The following CCDC91 variants were observed in gnomAD, a reference collection of about 807,000 sequenced individuals.
CCDC91 encodes the protein coiled-coil domain-containing protein 91.
In CCDC91, 48 loss-of-function variants were observed where a neutral mutation model predicts 63.2. The ratio of observed to expected loss-of-function variants is 0.76; its 90% CI spans 0.60 to 0.97. The LOEUF is 0.97. CCDC91 is among the 50% of genes least tolerant of loss of function. CCDC91 has a pLI of 0.00. For synonymous variants in CCDC91, 167 were observed against 165.8 expected, an observed-to-expected ratio of 1.01 and a Z score of -0.06; for missense variants, 500 against 494.6, an observed-to-expected ratio of 1.01 and a Z score of -0.10.
chr12:28,527,354 G>A (rs1267719204), intron 12 of CCDC91, among the ~76,000 whole-genome samples: 14 of 152,192 alleles, frequency 9.2e-5, no homozygotes. Context: ...GAGCTGAGCT[G>A]TAATGATTGT....
intron 11 of CCDC91, among the ~76,000 whole-genome samples, chr12:28,459,827 A>G (rs930710645): frequency 6.6e-6 from 1 of 152,214 alleles, no homozygotes; most frequent in Non-Finnish European, 1.5e-5. Context: ...CCATTCATGT[A>G]GATTCAAAAG....
At chr12:28,272,051 A>G (rs909619970) in intron 3 of CCDC91, among the ~76,000 whole-genome samples, 1 of 151,846 alleles carries the variant, frequency 6.6e-6, no homozygotes, top group Non-Finnish European at 1.5e-5. Flanking sequence ...CAACGTAGAT[A>G]TTACTCCGCC....
At chr12:28,219,457 C>G (rs1310982607) in intron 1 of CCDC91, among the ~76,000 whole-genome samples, 17 of 150,622 alleles carry the variant, frequency 1.1e-4, no homozygotes, top group South Asian at 4.2e-4. Flanking sequence ...ACAAAATTTA[C>G]CAGTGTAACC....
chr12:28,352,001 T>A (rs992561159), intron 6 of CCDC91, among the ~76,000 whole-genome samples: 7 of 152,302 alleles, frequency 4.6e-5, no homozygotes, highest in Non-Finnish European at 8.8e-5. Flanking sequence ...GGTTCCAGAC[T>A]GCTGCAGTAA....
intron 12 of CCDC91, among the ~76,000 whole-genome samples, chr12:28,540,156 GTTTCTCC>G (rs1255499997): frequency 7.2e-5 from 11 of 152,064 alleles, no homozygotes; most frequent in Admixed American, 2.0e-4. Context: ...CTTTATGCGT[GTTTCTCC>G]TTTATTGCAT....
At chr12:28,218,822 C>G (rs553263774) in intron 1 of CCDC91, among the ~76,000 whole-genome samples, 1 of 151,598 alleles carries the variant, frequency 6.6e-6, no homozygotes, top group Non-Finnish European at 1.5e-5. Flanking sequence ...TAGGTTTGTT[C>G]GTTGTAATTG....
At chr12:28,201,000 G>T (rs1277023129) in intron 1 of CCDC91, among the ~76,000 whole-genome samples, 1 of 129,452 alleles carries the variant, frequency 7.7e-6, no homozygotes, top group East Asian at 2.1e-4. Flanking sequence ...CCGGGCGGGG[G>T]GCTGACCCCC....
intron 1 of CCDC91, among the ~76,000 whole-genome samples, chr12:28,234,492 T>C (rs2061760): frequency 2.0e-5 from 3 of 152,182 alleles, no homozygotes; most frequent in Middle Eastern, 3.4e-3. Context: ...TACAGATTTT[T>C]AAAGATATTT....
intron 11 of CCDC91, among the ~76,000 whole-genome samples, chr12:28,478,577 G>A (rs11049651): frequency 0.21 from 32,007 of 151,972 alleles, 4,377 homozygotes; most frequent in Non-Finnish European, 0.31. Flanking sequence ...TTAAAACACC[G>A]AAAGCAATGG....
chr12:28,338,318 T>G (rs1486721936), intron 6 of CCDC91, among the ~76,000 whole-genome samples: 2 of 75,728 alleles, frequency 2.6e-5, no homozygotes, highest in Non-Finnish European at 5.4e-5. Flanking sequence ...CCCATAGTGT[T>G]TTTTTTTTTT....
At chr12:28,348,623 A>G (rs774168247) in intron 6 of CCDC91, among the ~76,000 whole-genome samples, 2 of 152,050 alleles carry the variant, frequency 1.3e-5, no homozygotes, top group Non-Finnish European at 1.5e-5. Flanking sequence ...TTCTGTAACA[A>G]CTATTGTTTG....
At chr12:28,434,034 T>C (rs1190636827) in intron 8 of CCDC91, among the ~76,000 whole-genome samples, 6 of 151,930 alleles carry the variant, frequency 3.9e-5, no homozygotes, top group Non-Finnish European at 8.8e-5. Flanking sequence ...GACTGTTCTA[T>C]ATAAATCTTG....
chr12:28,277,138 G>A (rs1344947421), intron 3 of CCDC91, among the ~76,000 whole-genome samples: 4 of 151,884 alleles, frequency 2.6e-5, no homozygotes, highest in Non-Finnish European at 5.9e-5. Flanking sequence ...ATTAACAAAT[G>A]TCTGAGAACT....
intron 12 of CCDC91, among the ~76,000 whole-genome samples, chr12:28,545,369 A>G (rs1241543598): frequency 2.6e-5 from 4 of 152,098 alleles, no homozygotes; most frequent in Non-Finnish European, 1.5e-5. Flanking sequence ...GGAATTTGCC[A>G]AGAACATCAG....
chr12:28,463,169 G>A (rs1206786698), intron 11 of CCDC91, among the ~76,000 whole-genome samples: 7 of 152,162 alleles, frequency 4.6e-5, no homozygotes, highest in South Asian at 2.1e-4. Context: ...GTTCCAATTT[G>A]AGATCGAGTG....
chr12:28,486,601 A>T (rs1438201498), intron 12 of CCDC91, among the ~76,000 whole-genome samples: 2 of 152,118 alleles, frequency 1.3e-5, no homozygotes, highest in African/African-American at 4.8e-5. Context: ...TTATGTGGCT[A>T]CCATAAGAAG....
intron 1 of CCDC91, among the ~76,000 whole-genome samples, chr12:28,206,058 T>A (rs1942823725): frequency 2.0e-5 from 3 of 152,188 alleles, no homozygotes; most frequent in Admixed American, 2.0e-4. Context: ...ATGTCCTGTT[T>A]ACAGGGGAAA....
chr12:28,319,995 C>T (rs1940317552), intron 6 of CCDC91, among the ~76,000 whole-genome samples: 1 of 151,826 alleles, frequency 6.6e-6, no homozygotes, highest in Admixed American at 6.6e-5. Flanking sequence ...AGGCTGTATG[C>T]TAAATCTTCA....
chr12:28,345,258 G>A (rs1173584323), intron 6 of CCDC91, among the ~76,000 whole-genome samples: 1 of 151,904 alleles, frequency 6.6e-6, no homozygotes, highest in African/African-American at 2.4e-5. Context: ...GTGTGTTTGT[G>A]TGTATGTATA....
Sources: allele counts gnomAD v4.1 joint callset (sites outside exome capture counted in the v4.1 genomes callset), GRCh38; gene constraint gnomAD v4.1.1; transcripts MANE v1.5; gene names NCBI Gene and HGNC (gene_info 2026-07-23, HGNC 2026-07-21).